The following CREBBP variants were observed in gnomAD, a reference collection of about 807,000 sequenced individuals.
CREBBP encodes CREB-binding protein.
A neutral mutation model predicts 265.0 loss-of-function variants in CREBBP; 19 were observed. That is an observed-to-expected ratio of 0.07 (90% CI 0.05 to 0.11). CREBBP has a LOEUF of 0.11. Ranked by LOEUF, CREBBP falls within the 10% of genes least tolerant of loss-of-function variation. The pLI, the probability that CREBBP is intolerant of heterozygous loss-of-function variation, is 1.00. For missense variants in CREBBP, 2,525 were observed against 3,219.0 expected (o/e 0.78, Z 5.22); for synonymous variants, 1,457 against 1,223.7 (o/e 1.19, Z -3.98).
At chr16:3,864,249 C>T (rs1238004746) in intron 1 of CREBBP, among the ~76,000 whole-genome samples, 1 of 152,188 alleles carries the variant, frequency 6.6e-6, no homozygotes, top group African/African-American at 2.4e-5. Flanking sequence ...GAGCATATTC[C>T]AGACGTGAAA....
intron 3 of CREBBP, among the ~76,000 whole-genome samples, chr16:3,805,364 T>A (rs1399592007): frequency 6.6e-6 from 1 of 152,228 alleles, no homozygotes; most frequent in Non-Finnish European, 1.5e-5. Context: ...GACATGACTA[T>A]TCACCTGCCG....
At chr16:3,808,997 T>C (rs1002194753) in intron 3 of CREBBP, among the ~76,000 whole-genome samples, 1 of 152,094 alleles carries the variant, frequency 6.6e-6, no homozygotes, top group African/African-American at 2.4e-5. Flanking sequence ...CTGGGCTCTG[T>C]TTCAGGTTCT....
intron 1 of CREBBP, among the ~76,000 whole-genome samples, chr16:3,869,762 G>A (rs550086209): frequency 2.6e-5 from 4 of 152,132 alleles, no homozygotes; most frequent in Non-Finnish European, 4.4e-5. Flanking sequence ...AGGGCATCCC[G>A]AGAACACAGG....
intron 5 of CREBBP, among the ~76,000 whole-genome samples, chr16:3,790,742 C>T (rs2074250655): frequency 6.6e-6 from 1 of 152,138 alleles, no homozygotes; most frequent in South Asian, 2.1e-4. Flanking sequence ...TTCTCTATGA[C>T]AGGGACACCC....
In CREBBP at chr16:3,809,961, G is replaced by C. The variant is rs889200911; in HGVS notation, c.975+642C>G. Among the ~76,000 whole-genome samples, 16 of 151,836 alleles carry C rather than the reference G, an allele frequency of 1.1e-4. 1 individual carries two copies. The highest frequency in any genetic ancestry group is 9.8e-4 in the Admixed American group (15 of 15,244). On this transcript the variant is annotated intron_variant, in intron 3 of 30. Transcript: ENST00000262367. The stretch of plus-strand genomic sequence containing the variant: ...GCACTGGGGGTGAACAAGAGAGGCT[G>C]GACAAAAGAACGCACTACCCCTCAG...
intron 5 of CREBBP, among the ~76,000 whole-genome samples, chr16:3,787,165 G>A (rs1196756597): frequency 3.9e-5 from 6 of 152,186 alleles, no homozygotes; most frequent in Admixed American, 3.3e-4. Context: ...TGTGGGCCAG[G>A]ACCTACTTCC....
intron 1 of CREBBP, among the ~76,000 whole-genome samples, chr16:3,856,493 T>A (rs551447307): frequency 2.0e-3 from 300 of 151,680 alleles, no homozygotes; most frequent in African/African-American, 4.4e-3. Flanking sequence ...ATTAAAAAAA[T>A]TTTTTTTTGT....
intron 2 of CREBBP, among the ~76,000 whole-genome samples, chr16:3,846,541 C>A (rs1424705307): frequency 2.0e-5 from 3 of 152,190 alleles, no homozygotes; most frequent in Non-Finnish European, 2.9e-5. Flanking sequence ...CAGCAAAATA[C>A]TGGGAATAAC....
chr16:3,855,053 T>C (rs1298999480), intron 1 of CREBBP, among the ~76,000 whole-genome samples: 1 of 152,226 alleles, frequency 6.6e-6, no homozygotes, highest in Non-Finnish European at 1.5e-5. Context: ...ATACTGAATA[T>C]ACTGCCCTTA....
rs1349649661 is a variant in CREBBP, at chr16:3,781,967, A to AT, written c.1574-662dup. 9.8e-5 allele frequency among the ~76,000 whole-genome samples: 15 copies of AT among 152,306 alleles called. No individual in the cohort carries two copies. The East Asian group carries it at 2.7e-3, about 27-fold the overall frequency. ...TTAGCTGGGCATATTTTAAGGAGTA[A>AT]TTTTTAAGTGTAAAATAGTTACTCT... On this transcript the variant is annotated intron_variant, in intron 6 of 30. Transcript: ENST00000262367.
chr16:3,786,911 A>T (rs2053400746), intron 5 of CREBBP, among the ~76,000 whole-genome samples: 4 of 152,090 alleles, frequency 2.6e-5, no homozygotes, highest in Admixed American at 2.0e-4. Context: ...CATCTCTGCT[A>T]AAAATACATA....
In CREBBP at chr16:3,778,834, T is replaced by A. The variant is rs749621590; in HGVS notation, c.1824-17A>T. ...GCTTGGACGCTGAAAGGATAACACA[T>A]CTATCAAACTACTTTTTTTTTTCTT... On this transcript the variant is annotated splice_polypyrimidine_tract_variant and intron_variant, in intron 8 of 30. Transcript: ENST00000262367. 14 of 1,603,022 alleles carry A rather than the reference T, an allele frequency of 8.7e-6. No individual in the cohort carries two copies. Among genetic ancestry groups the A allele is most frequent in the Non-Finnish European group, 1.2e-5 (14 of 1,170,402 alleles).
At chr16:3,769,424 T>C (rs2141193552) in intron 14 of CREBBP, 71 bp from the exon 15 acceptor site, 1 of 1,563,922 alleles carries the variant, frequency 6.4e-7, no homozygotes, top group Non-Finnish European at 8.8e-7. Flanking sequence ...ATGCTGCTCA[T>C]GCAACCTACA....
intron 2 of CREBBP, among the ~76,000 whole-genome samples, 193 bp downstream of exon 2, chr16:3,850,104 T>A (rs2054795718): frequency 6.6e-6 from 1 of 152,080 alleles, no homozygotes. Flanking sequence ...TCTTTAAGAA[T>A]TCTCATTTTA....
chr16:3,778,666 T>C (rs2141236624), intron 9 of CREBBP, 34 bp downstream of exon 9: 1 of 1,478,944 alleles, frequency 6.8e-7, no homozygotes, highest in Non-Finnish European at 9.5e-7. Context: ...CTACAGATGC[T>C]GTAGAGGCCA....
intron 2 of CREBBP, chr16:3,840,802 AG>A (rs953873934): frequency 1.0e-4 from 16 of 154,682 alleles, no homozygotes; most frequent in African/African-American, 3.1e-4. Context: ...CTGTCTATGC[AG>A]AAAGAAAGGA....
At chr16:3,877,247 G>A (rs545268110) in intron 1 of CREBBP, among the ~76,000 whole-genome samples, 1 of 152,180 alleles carries the variant, frequency 6.6e-6, no homozygotes, top group Non-Finnish European at 1.5e-5. Context: ...CCTCAAGAAT[G>A]TTATTCTCAG....
intron 1 of CREBBP, among the ~76,000 whole-genome samples, chr16:3,856,713 ATCAGCTCT>A (rs1241167449): frequency 6.6e-6 from 1 of 152,220 alleles, no homozygotes; most frequent in Non-Finnish European, 1.5e-5. Flanking sequence ...ACCATTAGAG[ATCAGCTCT>A]CCTTCCTTTC....
Position 3,795,628 on chromosome 16 carries a change from A to G in CREBBP, c.976-2002T>C, listed in dbSNP as rs577097304. Among the ~76,000 whole-genome samples, 17 of 152,244 alleles carry G rather than the reference A, an allele frequency of 1.1e-4. No individual in the cohort carries two copies. In the South Asian group the frequency reaches 3.1e-3, roughly 28 times the overall value. ...ATCCCTGGCCCCTCCTTTATTTTTTATAACTGTAAATAAAGCTTCAGTAAG... is the reference window on the plus strand; with the variant it reads ...ATCCCTGGCCCCTCCTTTATTTTTTGTAACTGTAAATAAAGCTTCAGTAAG... On this transcript the variant is annotated intron_variant, in intron 3 of 30. Coordinates refer to ENST00000262367, the MANE Select transcript of CREBBP (RefSeq NM_004380.3).
Sources: allele counts gnomAD v4.1 joint callset (sites outside exome capture counted in the v4.1 genomes callset), GRCh38; gene constraint gnomAD v4.1.1; transcripts MANE v1.5; gene names NCBI Gene and HGNC (gene_info 2026-07-23, HGNC 2026-07-21).